Variants in ARAP2 observed in about 807,000 individuals in gnomAD.
ARAP2 encodes the protein arf-GAP with Rho-GAP domain, ANK repeat and PH domain-containing protein 2.
Under a neutral mutation model 194.5 loss-of-function variants are expected in ARAP2, and 148 were observed. The observed-to-expected ratio is 0.76, with a 90% CI of 0.67 to 0.87. ARAP2 has a LOEUF of 0.87. Among genes scored for constraint, ARAP2 ranks in the 40% least tolerant of loss-of-function variants. The pLI is 0.00. For synonymous variants in ARAP2, 695 were observed against 683.5 expected (o/e 1.02, Z -0.26); for missense variants, 2,128 against 1,989.7 (o/e 1.07, Z -1.32).
intron 9 of ARAP2, among the ~76,000 whole-genome samples, chr4:36,175,647 G>C (rs1184130999): frequency 6.6e-6 from 1 of 152,162 alleles, no homozygotes; most frequent in Admixed American, 6.5e-5. Flanking sequence ...AAAGGTGTGT[G>C]TGTGTATATA....
chr4:36,152,820 T>C (rs892421783), intron 15 of ARAP2, among the ~76,000 whole-genome samples: 1 of 152,136 alleles, frequency 6.6e-6, no homozygotes, highest in African/African-American at 2.4e-5. Flanking sequence ...CATAGAAAGG[T>C]GAAACTGCAA....
chr4:36,052,428 C>A (rs982908548), intron 2 of ARAP2, among the ~76,000 whole-genome samples: 1 of 152,154 alleles, frequency 6.6e-6, no homozygotes, highest in Non-Finnish European at 1.5e-5. Context: ...ATGCAGGAAA[C>A]CGCTTTCAGT....
chr4:36,202,457 G>T (rs1297962035), intron 6 of ARAP2, among the ~76,000 whole-genome samples: 1 of 151,152 alleles, frequency 6.6e-6, no homozygotes, highest in Non-Finnish European at 1.5e-5. Flanking sequence ...TTCAATCTCA[G>T]CTTCCATCTC....
chr4:36,186,993 G>A (rs752831948), intron 8 of ARAP2, among the ~76,000 whole-genome samples: 25 of 152,156 alleles, frequency 1.6e-4, no homozygotes, highest in Admixed American at 1.1e-3. Context: ...CCCACCACCG[G>A]TTCATGGAAA....
intron 2 of ARAP2, among the ~76,000 whole-genome samples, chr4:36,215,301 A>C (rs544201471): frequency 6.6e-6 from 1 of 152,240 alleles, no homozygotes; most frequent in African/African-American, 2.4e-5. Flanking sequence ...TCTTTGGTCC[A>C]TCGATTTAAG....
At chr4:36,198,889 C>A (rs1380131470) in intron 6 of ARAP2, among the ~76,000 whole-genome samples, 1 of 152,202 alleles carries the variant, frequency 6.6e-6, no homozygotes, top group Non-Finnish European at 1.5e-5. Flanking sequence ...AGCTTCCAGC[C>A]TCCACCAAGA....
intron 2 of ARAP2, among the ~76,000 whole-genome samples, chr4:36,225,471 C>T (rs79160392): frequency 6.6e-6 from 1 of 152,126 alleles, no homozygotes; most frequent in African/African-American, 2.4e-5. Flanking sequence ...ACTAGCAAGG[C>T]CTCCAAGTGA....
intron 31 of ARAP2, 129 bp downstream of exon 31, chr4:36,080,087 C>A: frequency 1.5e-6 from 1 of 666,544 alleles, no homozygotes; most frequent in South Asian, 2.6e-5. Flanking sequence ...ATGAGAGAAT[C>A]AAAGTTTATG....
At chr4:36,193,717 A>T in intron 6 of ARAP2, 70 bp from the exon 7 acceptor site, 1 of 1,130,062 alleles carries the variant, frequency 8.8e-7, no homozygotes, top group Non-Finnish European at 1.3e-6. Flanking sequence ...TTCATTTGTA[A>T]TGTAACCGTG....
chr4:36,180,591 GTTTC>G (rs928885163), intron 8 of ARAP2, among the ~76,000 whole-genome samples: 5 of 152,112 alleles, frequency 3.3e-5, no homozygotes, highest in African/African-American at 9.7e-5. Flanking sequence ...GTTTTTGTTT[GTTTC>G]TTTATTTGTG....
intron 11 of ARAP2, among the ~76,000 whole-genome samples, chr4:36,164,227 G>C (rs898120479): frequency 1.3e-5 from 2 of 152,158 alleles, no homozygotes; most frequent in East Asian, 3.9e-4. Context: ...CATACAGTGG[G>C]GGAGAAGGTG....
chr4:36,162,185 T>G (rs1440117840), intron 11 of ARAP2, among the ~76,000 whole-genome samples: 1 of 152,050 alleles, frequency 6.6e-6, no homozygotes, highest in Non-Finnish European at 1.5e-5. Context: ...TACAGACACA[T>G]GTATAAATAT....
intron 5 of ARAP2, among the ~76,000 whole-genome samples, chr4:36,031,433 A>C (rs1718931904): frequency 6.6e-6 from 1 of 152,222 alleles, no homozygotes; most frequent in African/African-American, 2.4e-5. Flanking sequence ...CTGAACTGGG[A>C]AAATAGGGTA....
intron 27 of ARAP2, among the ~76,000 whole-genome samples, chr4:36,101,130 A>C (rs889822241): frequency 1.3e-5 from 2 of 152,034 alleles, no homozygotes; most frequent in African/African-American, 4.8e-5. Context: ...ATGTGCGTAG[A>C]TTACATGCAG....
chr4:36,195,274 G>A (rs916568090), intron 6 of ARAP2, among the ~76,000 whole-genome samples: 1 of 152,184 alleles, frequency 6.6e-6, no homozygotes, highest in African/African-American at 2.4e-5. Context: ...TGGCCTGTCT[G>A]CAATGGGTTT....
intron 15 of ARAP2, among the ~76,000 whole-genome samples, chr4:36,154,617 A>T (rs1731792631): frequency 6.6e-6 from 1 of 152,166 alleles, no homozygotes; most frequent in Non-Finnish European, 1.5e-5. Context: ...TAAATTGAAA[A>T]GGAAAAAAAA....
At chr4:36,017,564 TA>T (rs71199694) in intron 6 of ARAP2, among the ~76,000 whole-genome samples, 4,265 of 42,396 alleles carry the variant, frequency 0.1, 196 homozygotes, top group East Asian at 0.29. Context: ...AAGAAAGTGG[TA>T]AAAAAAAAAA....
intron 5 of ARAP2, among the ~76,000 whole-genome samples, chr4:36,027,067 T>C (rs1718041130): frequency 6.6e-6 from 1 of 152,218 alleles, no homozygotes; most frequent in African/African-American, 2.4e-5. Context: ...TGTGAACTGG[T>C]CCTTGAATAA....
intron 4 of ARAP2, among the ~76,000 whole-genome samples, chr4:36,212,697 T>C (rs1354869167): frequency 6.6e-5 from 10 of 151,646 alleles, no homozygotes; most frequent in Admixed American, 6.6e-4. Context: ...TTTATTCAAA[T>C]CGTTAACTCA....
Sources: allele counts gnomAD v4.1 joint callset (sites outside exome capture counted in the v4.1 genomes callset), GRCh38; gene constraint gnomAD v4.1.1; transcripts MANE v1.5; gene names NCBI Gene and HGNC (gene_info 2026-07-23, HGNC 2026-07-21).